CTNNA1: variants seen among roughly 807,000 people sequenced by gnomAD.
CTNNA1 encodes catenin alpha 1.
Under a neutral mutation model 98.4 loss-of-function variants are expected in CTNNA1, and 37 were observed. The ratio of observed to expected loss-of-function variants is 0.38; its 90% confidence interval spans 0.29 to 0.49. The LOEUF (loss-of-function observed/expected upper bound fraction) is 0.49, where lower values mean the gene tolerates loss of function less well. CTNNA1 is among the 20% of genes least tolerant of loss of function. The pLI is 0.95. For missense variants in CTNNA1, 761 were observed against 1,147.2 expected (o/e 0.66, Z 4.86); for synonymous variants, 404 against 413.2 (o/e 0.98, Z 0.27).
At chr5:138,922,284 A>T (rs1763072934) in intron 11 of CTNNA1, among the ~76,000 whole-genome samples, 1 of 152,190 alleles carries the variant, frequency 6.6e-6, no homozygotes, top group Non-Finnish European at 1.5e-5. Context: ...TACCTGTATA[A>T]GGATGTTTTC....
chr5:138,775,607 A>C (rs536469773), intron 1 of CTNNA1, among the ~76,000 whole-genome samples: 2 of 151,992 alleles, frequency 1.3e-5, no homozygotes, highest in Non-Finnish European at 2.9e-5. Flanking sequence ...CAGTACCCAT[A>C]GTCAAATTTT....
chr5:138,828,429 T>C (rs1581181513), intron 7 of CTNNA1, among the ~76,000 whole-genome samples: 1 of 152,214 alleles, frequency 6.6e-6, no homozygotes, highest in East Asian at 1.9e-4. Context: ...TGTTGCCATA[T>C]GTCTTTCTTT....
intron 5 of CTNNA1, among the ~76,000 whole-genome samples, chr5:138,812,978 C>G (rs1361740062): frequency 6.6e-6 from 1 of 152,216 alleles, no homozygotes; most frequent in African/African-American, 2.4e-5. Context: ...TACATTCTTA[C>G]TTTAAAACAA....
At chr5:138,758,419 C>A (rs1200792897) in intron 1 of CTNNA1, among the ~76,000 whole-genome samples, 1 of 150,250 alleles carries the variant, frequency 6.7e-6, no homozygotes, top group Non-Finnish European at 1.5e-5. Flanking sequence ...CGCTCTGTCA[C>A]CAGGCTGGAG....
intron 7 of CTNNA1, among the ~76,000 whole-genome samples, chr5:138,847,758 A>T (rs983179948): frequency 6.6e-6 from 1 of 152,208 alleles, no homozygotes. Context: ...TGCTGCCCCA[A>T]GTAAACTTTT....
chr5:138,905,738 T>A (rs1164500907), intron 10 of CTNNA1, among the ~76,000 whole-genome samples: 3 of 152,228 alleles, frequency 2.0e-5, no homozygotes, highest in African/African-American at 7.2e-5. Flanking sequence ...TGAGAAGAGC[T>A]GAGTTTGTTT....
At position 138,842,182 on chromosome 5, in the gene CTNNA1, T is replaced by A. The variant is rs187075492; in HGVS notation, c.1062+14464T>A. 1.8e-4 allele frequency among the ~76,000 whole-genome samples: 28 copies of A among 152,258 alleles called. No individual in the cohort carries two copies. In the East Asian group the frequency reaches 5.2e-3, roughly 28 times the overall value. ...GAGCATGGTGGCACACACCTGTAGT[T>A]CCAGCTACTCGGGAGGCTGAGGTAA... On this transcript the variant is annotated intron_variant, in intron 7 of 17. Coordinates refer to ENST00000302763, the MANE Select transcript of CTNNA1 (RefSeq NM_001903.5).
intron 10 of CTNNA1, among the ~76,000 whole-genome samples, chr5:138,912,980 A>G (rs540712706): frequency 3.3e-5 from 5 of 152,266 alleles, no homozygotes; most frequent in Non-Finnish European, 5.9e-5. Flanking sequence ...TTATTTTGAA[A>G]TAGAGTTTTC....
chr5:138,875,730 C>T, intron 7 of CTNNA1: 1 of 985,250 alleles, frequency 1.0e-6, no homozygotes, highest in South Asian at 4.7e-5. Flanking sequence ...TAACACCAGC[C>T]TATGCAAGGT....
At chr5:138,917,117 GT>G (rs1270572591) in intron 10 of CTNNA1, among the ~76,000 whole-genome samples, 3 of 152,314 alleles carry the variant, frequency 2.0e-5, no homozygotes, top group Admixed American at 6.5e-5. Context: ...TTTTTGAGCA[GT>G]TTTTTGTTTG....
Position 138,934,829 on chromosome 5 carries a change from C to G in CTNNA1, c.*740C>G, listed in dbSNP as rs1249088590. The stretch of plus-strand genomic sequence containing the variant: ...TGCAGTGTTTCCCGCCTTGGGCTTG[C>G]AGCAGAAAAACCTGACAACATAGTG... On this transcript the variant is annotated 3_prime_UTR_variant, in exon 18 of 18. Coordinates refer to ENST00000302763, the MANE Select transcript of CTNNA1 (RefSeq NM_001903.5). 6.6e-6 allele frequency: 1 copy of G among 152,614 alleles called. No individual in the cohort carries two copies. Among genetic ancestry groups the G allele is most frequent in the African/African-American group, 2.4e-5 (1 of 41,430 alleles). The allele number at this position is 152,614 out of a possible 1,614,324, so 9.5% of individuals were successfully genotyped here.
chr5:138,788,251 A>G (rs530246673), intron 3 of CTNNA1, among the ~76,000 whole-genome samples: 37 of 152,162 alleles, frequency 2.4e-4, no homozygotes, highest in South Asian at 1.7e-3. Flanking sequence ...GTTTGTATCT[A>G]TGATAGTACC....
chr5:138,934,194 A>T lies in CTNNA1; in HGVS notation c.*105A>T, dbSNP rs1301070616. 6 of 834,944 alleles carry T rather than the reference A, an allele frequency of 7.2e-6. No homozygotes were observed. The East Asian group carries it at 1.6e-4, about 22-fold the overall frequency. 51.7% of individuals were successfully genotyped at this position (834,944 alleles called of 1,614,324 possible). ...ATACAACACTGATACTAGATTCCAC[A>T]GGGAAATGGGCAGACTGAACCAGTC... On this transcript the variant is annotated 3_prime_UTR_variant, in exon 18 of 18. Coordinates refer to ENST00000302763, the MANE Select transcript of CTNNA1 (RefSeq NM_001903.5).
chr5:138,781,547 T>C (rs1755111172), intron 1 of CTNNA1, among the ~76,000 whole-genome samples: 1 of 116,420 alleles, frequency 8.6e-6, no homozygotes, highest in South Asian at 3.0e-4. Flanking sequence ...AGAGCAAGAC[T>C]CTGTCTCAAA....
intron 9 of CTNNA1, among the ~76,000 whole-genome samples, chr5:138,894,555 G>A (rs1036783791): frequency 6.6e-6 from 1 of 151,978 alleles, no homozygotes; most frequent in African/African-American, 2.4e-5. Flanking sequence ...TTACAAGTGT[G>A]AGCCACTGCG....
chr5:138,908,247 T>G (rs1424920116), intron 10 of CTNNA1, among the ~76,000 whole-genome samples: 1 of 152,176 alleles, frequency 6.6e-6, no homozygotes, highest in Non-Finnish European at 1.5e-5. Context: ...TGAGTCACTG[T>G]GCCCGGCCTT....
At chr5:138,846,552 G>T (rs1341832191) in intron 7 of CTNNA1, among the ~76,000 whole-genome samples, 1 of 152,136 alleles carries the variant, frequency 6.6e-6, no homozygotes, top group African/African-American at 2.4e-5. Flanking sequence ...ATGAAGTAAA[G>T]AGTATTTTTC....
chr5:138,761,981 C>T (rs1752429285), intron 1 of CTNNA1: 1 of 152,210 alleles, frequency 6.6e-6, no homozygotes, highest in Non-Finnish European at 1.5e-5. Flanking sequence ...GTCTCAAACT[C>T]CTGAGCTCAA....
intron 10 of CTNNA1, among the ~76,000 whole-genome samples, chr5:138,912,991 T>C (rs1760973768): frequency 6.6e-6 from 1 of 152,184 alleles, no homozygotes; most frequent in South Asian, 2.1e-4. Flanking sequence ...TAGAGTTTTC[T>C]AAGACATAAA....
Sources: gnomAD v4.1 joint callset for allele counts (sites outside exome capture counted in the v4.1 genomes callset) on GRCh38, gnomAD v4.1.1 for gene constraint, MANE v1.5 for transcripts, NCBI Gene and HGNC (gene_info 2026-07-23, HGNC 2026-07-21) for gene names.